TECPR1: variants seen among roughly 807,000 people sequenced by gnomAD.
TECPR1 encodes tectonin beta-propeller repeat containing 1.
In TECPR1, 122 loss-of-function variants were observed where a neutral mutation model predicts 162.4. The ratio of observed to expected loss-of-function variants is 0.75; its 90% CI spans 0.65 to 0.87. The LOEUF (loss-of-function observed/expected upper bound fraction) is 0.87. Ranked by LOEUF, TECPR1 falls within the 40% of genes least tolerant of loss-of-function variation. The probability of loss-of-function intolerance (pLI) is 0.00; values close to 1 mark genes in which losing one functional copy is unlikely to be tolerated. For synonymous variants in TECPR1, 642 were observed against 670.6 expected (o/e 0.96, Z 0.66); for missense variants, 1,432 against 1,618.2 (o/e 0.88, Z 1.97).
rs1387639424 is a variant in TECPR1 at position 98,231,023 on chromosome 7, G to C, written c.2220C>G (p.Ile740Met). The change falls in exon 15 of 26, where the codon ATC (isoleucine) becomes ATG (methionine). Residue 740 changes from isoleucine to methionine, a missense_variant. By Grantham distance (10) the Ile-to-Met change is conservative. Transcript: ENST00000447648. ...GGTCTGGGCTGGGCTCGCTCACGAA[G>C]ATGTCCCCCTTGCAGGTGATGGACC... ...AIWSITCKGD[I>M]FVSEPSPDLE... 1 of 1,612,824 alleles carries C rather than the reference G, an allele frequency of 6.2e-7. No individual in the cohort carries two copies. Among genetic ancestry groups the C allele is most frequent in the African/African-American group, 1.3e-5 (1 of 74,900 alleles).
chr7:98,241,289 C>T lies in TECPR1; in HGVS notation c.658-45G>A, dbSNP rs776828128. 9 of 1,606,902 alleles carry T rather than the reference C, an allele frequency of 5.6e-6. No individual in the cohort carries two copies. The highest frequency in any genetic ancestry group is 1.7e-4 in the Middle Eastern group (1 of 6,018). On this transcript the variant is annotated intron_variant, in intron 6 of 25. Coordinates refer to ENST00000447648, the MANE Select transcript of TECPR1 (RefSeq NM_015395.3). This position sits in a 1 kb window ranked among gnomAD's most constrained non-coding sequence, Gnocchi z 5.0. Reference sequence around the variant, plus strand: ...CACAGCACCTGCATCAACTCATTCACACCAGCCAAGCACGGGGGTCTCGGT... The same window carrying T: ...CACAGCACCTGCATCAACTCATTCATACCAGCCAAGCACGGGGGTCTCGGT...
intron 20 of TECPR1, 93 bp from the exon 21 acceptor site, chr7:98,223,263 C>A: frequency 7.5e-7 from 1 of 1,330,994 alleles, no homozygotes; most frequent in Non-Finnish European, 1.0e-6. Context: ...AGGAAAGCAG[C>A]CAACCCCGGG....
chr7:98,235,706 T>C (rs577744363), intron 10 of TECPR1, among the ~76,000 whole-genome samples: 1 of 151,054 alleles, frequency 6.6e-6, no homozygotes, highest in Non-Finnish European at 1.5e-5. Context: ...GGTGAACATC[T>C]GTAATCCCAG....
intron 3 of TECPR1, 45 bp from the exon 4 acceptor site, chr7:98,245,112 G>A (rs776702681): frequency 6.5e-7 from 1 of 1,549,852 alleles, no homozygotes. Flanking sequence ...CAAGCCTGCT[G>A]GGCGGGAACC....
At chr7:98,225,496 C>A (rs1256109515) in intron 17 of TECPR1, among the ~76,000 whole-genome samples, 10 of 151,444 alleles carry the variant, frequency 6.6e-5, no homozygotes, top group Non-Finnish European at 1.3e-4. Flanking sequence ...GATCGTGCCA[C>A]TACGCCACTG....
chr7:98,220,515 C>A (rs1305429232), intron 23 of TECPR1, among the ~76,000 whole-genome samples: 1 of 151,150 alleles, frequency 6.6e-6, no homozygotes, highest in Non-Finnish European at 1.5e-5. Flanking sequence ...ATTCTCCTGC[C>A]TCAGCCTCCT....
Position 98,223,155 on chromosome 7 carries a change from C to T in TECPR1, c.2763G>A (p.Val921=). The T allele has an allele frequency of 1.2e-6, 2 of 1,601,174 alleles. No homozygotes were observed. Among genetic ancestry groups the T allele is most frequent in the Non-Finnish European group, 1.7e-6 (2 of 1,174,504 alleles). ...RRCWARKCKL[V]TSGPWLEVPP... is the part of the protein sequence containing the mutation. ...GCACCTCCAGCCAGGGCCCACTGGT[C>T]ACCAGCTTGCATTTTCTGTACAGTG... is the stretch of plus-strand genomic sequence containing the variant. The change falls in exon 21 of 26, where the codon GTG becomes GTA. Residue 921 remains valine (V), a synonymous_variant. Transcript: ENST00000447648.
Position 98,236,764 on chromosome 7 carries a change from AC to A in TECPR1, c.1181+11del, listed in dbSNP as rs1243294259. On this transcript the variant is annotated intron_variant, in intron 10 of 25. Transcript: ENST00000447648. ...CAGCCTGACTCCTGCGCACCCTGCC[AC>A]CCCCAGTCACCTGAGGAGACTAGAC... 16 of 1,586,944 alleles carry A rather than the reference AC, an allele frequency of 1.0e-5. No homozygotes were observed. The East Asian group carries it at 3.5e-4, about 34-fold the overall frequency.
At chr7:98,235,600 A>T (rs1204294632) in intron 10 of TECPR1, among the ~76,000 whole-genome samples, 1 of 150,854 alleles carries the variant, frequency 6.6e-6, no homozygotes, top group Non-Finnish European at 1.5e-5. Flanking sequence ...TTTGGGAGAC[A>T]GAGGTGGGAG....
chr7:98,242,939 C>CACAA (rs1314248331), intron 6 of TECPR1, among the ~76,000 whole-genome samples: 5 of 46,118 alleles, frequency 1.1e-4, no homozygotes, highest in Admixed American at 2.6e-4. Flanking sequence ...CGCCCATCCA[C>CACAA]ACACCCACCC....
chr7:98,223,562 G>T (rs972343668), intron 20 of TECPR1, 100 bp downstream of exon 20: 2 of 1,298,044 alleles, frequency 1.5e-6, no homozygotes, highest in Non-Finnish European at 1.1e-6. Context: ...TGAGGTCAGA[G>T]GCCAGGAGAT....
intron 23 of TECPR1, among the ~76,000 whole-genome samples, chr7:98,218,426 A>G (rs73151174): frequency 0.22 from 34,151 of 152,224 alleles, 4,193 homozygotes; most frequent in South Asian, 0.44. Flanking sequence ...AGAGGAAGTC[A>G]CGGTGTGTCT....
intron 3 of TECPR1, 98 bp from the exon 4 acceptor site, chr7:98,245,165 C>G: frequency 1.5e-6 from 2 of 1,322,836 alleles, no homozygotes; most frequent in Non-Finnish European, 2.1e-6. Context: ...CCCTGCCCAG[C>G]CGACCCCCTC....
In TECPR1 at chr7:98,218,030, T is replaced by C; in HGVS notation, c.3170A>G (p.Tyr1057Cys). The part of the protein sequence containing the change: ...YALDENGNLW[Y>C]RQGITPSYPQ... ...GTAGCTGGGCGTGATCCCTTGGCGA[T>C]ACCACAGGTTTCCTGGGGAGAAAAG... The change falls in exon 24 of 26, where the codon TAT (tyrosine) becomes TGT (cysteine). Residue 1057 changes from tyrosine to cysteine, a missense_variant. Transcript: ENST00000447648. 3 of 1,564,338 alleles carry C rather than the reference T, an allele frequency of 1.9e-6. No homozygotes were observed. Among genetic ancestry groups the C allele is most frequent in the Non-Finnish European group, 2.6e-6 (3 of 1,154,942 alleles).
Position 98,232,773 on chromosome 7 carries a change from G to C in TECPR1, c.1818+54C>G, listed in dbSNP as rs1019716007. ...AGCTGGTACACAGCAGGCGCTCAAT[G>C]AATGATTGCTGGAAAAAAAAAAAAA... On this transcript the variant is annotated intron_variant, in intron 12 of 25. Coordinates refer to ENST00000447648, the MANE Select transcript of TECPR1 (RefSeq NM_015395.3). The surrounding 1 kb of genome is among the most constrained non-coding windows in gnomAD (Gnocchi z 4.6). The C allele has an allele frequency of 2.7e-6, 4 of 1,491,090 alleles. No homozygotes were observed. Among genetic ancestry groups the C allele is most frequent in the Middle Eastern group, 1.8e-4 (1 of 5,616 alleles). The allele number at this position is 1,491,090 out of a possible 1,614,324, so 92.4% of individuals were successfully genotyped here. A position where few individuals can be genotyped will look rare whatever the true frequency, so the allele number is the denominator to read the frequency against.
At chr7:98,235,318 G>C (rs1335816470) in intron 10 of TECPR1, among the ~76,000 whole-genome samples, 2 of 152,098 alleles carry the variant, frequency 1.3e-5, no homozygotes, top group East Asian at 3.9e-4. Context: ...AAGGTCAGGA[G>C]ATCGAGACCA....
At chr7:98,243,966 G>T (rs759165067) in intron 5 of TECPR1, among the ~76,000 whole-genome samples, 1 of 152,222 alleles carries the variant, frequency 6.6e-6, no homozygotes, top group Non-Finnish European at 1.5e-5. Context: ...GGGAGGCTGA[G>T]GTGGGAGGAT....
At chr7:98,248,261 G>A (rs1798964382) in intron 2 of TECPR1, among the ~76,000 whole-genome samples, 1 of 152,170 alleles carries the variant, frequency 6.6e-6, no homozygotes, top group South Asian at 2.1e-4. Context: ...GCCATCACCT[G>A]AGAAGCTCTG....
intron 10 of TECPR1, among the ~76,000 whole-genome samples, chr7:98,234,248 G>C (rs1380356612): frequency 6.6e-6 from 1 of 152,212 alleles, no homozygotes; most frequent in Non-Finnish European, 1.5e-5. Flanking sequence ...CGCCTCCCAG[G>C]TTCAAGCGAT....
Sources: gnomAD v4.1 joint callset for allele counts (sites outside exome capture counted in the v4.1 genomes callset) on GRCh38, gnomAD v4.1.1 for gene constraint, Gnocchi (gnomAD v3.1) non-coding constraint, MANE v1.5 for transcripts, NCBI Gene and HGNC (gene_info 2026-07-23, HGNC 2026-07-21) for gene names.